Variants in DCLK2 observed in about 807,000 individuals in gnomAD.
DCLK2 encodes the protein serine/threonine-protein kinase DCLK2.
DCLK2 carries 31 observed loss-of-function variants against 78.4 expected under a neutral mutation model. The observed-to-expected ratio is 0.40, with a 90% CI of 0.30 to 0.53. DCLK2 has a LOEUF of 0.53. Among genes scored for constraint, DCLK2 ranks in the 20% least tolerant of loss-of-function variants. DCLK2 has a pLI of 0.61. For synonymous variants in DCLK2, 407 were observed against 374.9 expected (o/e 1.09, Z -0.99); for missense variants, 872 against 973.7 (o/e 0.90, Z 1.39).
intron 2 of DCLK2, among the ~76,000 whole-genome samples, chr4:150,176,146 C>T (rs992332870): frequency 2.0e-4 from 31 of 152,176 alleles, no homozygotes; most frequent in African/African-American, 7.0e-4. Flanking sequence ...CTGTTCTCTG[C>T]CTAAGCCCCA....
chr4:150,119,701 G>C (rs867621886), intron 2 of DCLK2, among the ~76,000 whole-genome samples: 8 of 151,884 alleles, frequency 5.3e-5, no homozygotes, highest in Admixed American at 2.0e-4. Flanking sequence ...TTGATTTTAT[G>C]CCCAATGCAA....
rs1404092669 is a variant in DCLK2 at position 150,091,767 on chromosome 4, TTATGTGTG to T, written c.422-10709_422-10702del. Among the ~76,000 whole-genome samples the T allele has an allele frequency of 3.2e-3, 422 of 133,696 alleles. 3 individuals are homozygous for T. The highest frequency in any genetic ancestry group is 8.3e-3 in the African/African-American group (294 of 35,600). The allele number at this position is 133,696 out of a possible 152,430, so 87.7% of individuals were successfully genotyped here. ...TAGTTCTTTGTCCTAAAAGGAACAT[TTATGTGTG>T]TGTGTGTGTGTGTGTGTGTGTGTGT... On this transcript the variant is annotated intron_variant, in intron 1 of 15. Coordinates refer to ENST00000296550, the MANE Select transcript of DCLK2 (RefSeq NM_001040260.4).
At chr4:150,096,353 G>A (rs1730460670) in intron 1 of DCLK2, among the ~76,000 whole-genome samples, 1 of 152,226 alleles carries the variant, frequency 6.6e-6, no homozygotes, top group Non-Finnish European at 1.5e-5. Context: ...TAGATATGTA[G>A]CATGTGAGAT....
chr4:150,214,910 A>G (rs1262019430), intron 5 of DCLK2, among the ~76,000 whole-genome samples: 1 of 150,460 alleles, frequency 6.6e-6, no homozygotes, highest in Non-Finnish European at 1.5e-5. Flanking sequence ...TGCAGTGAGC[A>G]GAGATCGTGC....
At chr4:150,218,732 G>A (rs759487796) in intron 5 of DCLK2, among the ~76,000 whole-genome samples, 2 of 152,194 alleles carry the variant, frequency 1.3e-5, no homozygotes, top group Non-Finnish European at 2.9e-5. Context: ...GTTGCCCTGG[G>A]CTGTGAGATT....
chr4:150,107,363 G>GT (rs1232692980), intron 2 of DCLK2, among the ~76,000 whole-genome samples: 2 of 143,654 alleles, frequency 1.4e-5, no homozygotes, highest in African/African-American at 2.6e-5. Flanking sequence ...GGTTTGTAGG[G>GT]TTTTTTTGGT....
intron 2 of DCLK2, among the ~76,000 whole-genome samples, chr4:150,108,171 G>C (rs1731403524): frequency 6.6e-6 from 1 of 152,048 alleles, no homozygotes. Context: ...ATTTTAACTT[G>C]TAATTAATTT....
chr4:150,122,189 TAA>T (rs1465602226), intron 2 of DCLK2, among the ~76,000 whole-genome samples: 1 of 152,198 alleles, frequency 6.6e-6, no homozygotes, highest in African/African-American at 2.4e-5. Flanking sequence ...CTTTATCAAC[TAA>T]GTTTATGGAA....
chr4:150,102,361 T>A, intron 1 of DCLK2, 117 bp from the exon 2 acceptor site: 1 of 900,448 alleles, frequency 1.1e-6, no homozygotes, highest in East Asian at 2.6e-5. Context: ...ACATCCCCTT[T>A]TAGTGAACCC....
intron 5 of DCLK2, among the ~76,000 whole-genome samples, chr4:150,211,802 C>T (rs1740341651): frequency 6.6e-6 from 1 of 152,130 alleles, no homozygotes; most frequent in Non-Finnish European, 1.5e-5. Flanking sequence ...CATTTTTCTG[C>T]TTGACCCCAA....
At chr4:150,203,499 C>T (rs1463943468) in intron 4 of DCLK2, among the ~76,000 whole-genome samples, 1 of 151,994 alleles carries the variant, frequency 6.6e-6, no homozygotes, top group Non-Finnish European at 1.5e-5. Flanking sequence ...AGGCAGGATA[C>T]ATGGACAAGT....
intron 2 of DCLK2, among the ~76,000 whole-genome samples, chr4:150,158,577 G>T (rs2150240273): frequency 6.6e-6 from 1 of 152,192 alleles, no homozygotes; most frequent in East Asian, 1.9e-4. Context: ...ATATATGTTG[G>T]GTACCATACC....
At chr4:150,130,920 C>T (rs1398174318) in intron 2 of DCLK2, among the ~76,000 whole-genome samples, 1 of 151,986 alleles carries the variant, frequency 6.6e-6, no homozygotes, top group Non-Finnish European at 1.5e-5. Flanking sequence ...GGCTACAGGT[C>T]CTAGCACAGA....
chr4:150,119,343 C>A (rs574088741), intron 2 of DCLK2, among the ~76,000 whole-genome samples: 2 of 152,248 alleles, frequency 1.3e-5, no homozygotes, highest in East Asian at 3.9e-4. Flanking sequence ...TGCTTTAGAT[C>A]ATTGTCTTTC....
At chr4:150,180,781 C>A (rs757010239) in intron 2 of DCLK2, among the ~76,000 whole-genome samples, 9 of 152,126 alleles carry the variant, frequency 5.9e-5, no homozygotes, top group Non-Finnish European at 8.8e-5. Flanking sequence ...CAAGGTGGGT[C>A]GTAGAAACCA....
intron 1 of DCLK2, among the ~76,000 whole-genome samples, chr4:150,099,122 G>T (rs533882851): frequency 6.6e-6 from 1 of 152,190 alleles, no homozygotes; most frequent in Middle Eastern, 3.2e-3. Context: ...AGGGAGTCAC[G>T]AATCTTAAAC....
chr4:150,098,101 T>A (rs902211557), intron 1 of DCLK2, among the ~76,000 whole-genome samples: 10 of 152,080 alleles, frequency 6.6e-5, no homozygotes, highest in Non-Finnish European at 1.5e-5. Context: ...TTAGGAAGGA[T>A]CTAAGGAAAC....
At chr4:150,149,123 C>A (rs1364605866) in intron 2 of DCLK2, among the ~76,000 whole-genome samples, 1 of 151,202 alleles carries the variant, frequency 6.6e-6, no homozygotes, top group Non-Finnish European at 1.5e-5. Context: ...GAAATGGAGA[C>A]CATAAGATAC....
intron 2 of DCLK2, among the ~76,000 whole-genome samples, chr4:150,133,927 A>G (rs974247421): frequency 2.0e-5 from 3 of 152,148 alleles, no homozygotes. Context: ...TGTAGCCCCA[A>G]ATATTGTCCA....
Sources: allele counts gnomAD v4.1 joint callset (sites outside exome capture counted in the v4.1 genomes callset), GRCh38; gene constraint gnomAD v4.1.1; transcripts MANE v1.5; gene names NCBI Gene and HGNC (gene_info 2026-07-23, HGNC 2026-07-21).